Variants in DIPK1A observed in about 807,000 individuals in gnomAD.
DIPK1A encodes divergent protein kinase domain 1A.
In DIPK1A, 27 loss-of-function variants were observed where a neutral mutation model predicts 40.8. That is an observed-to-expected ratio of 0.66 (90% CI 0.49 to 0.91). The LOEUF is 0.91. DIPK1A is among the 40% of genes least tolerant of loss of function. The probability of loss-of-function intolerance (pLI) is 0.00; values close to 1 mark genes in which losing one functional copy is unlikely to be tolerated. For synonymous variants in DIPK1A, 166 were observed against 171.3 expected, an observed-to-expected ratio of 0.97 and a Z score of 0.24; for missense variants, 412 against 505.7, an observed-to-expected ratio of 0.81 and a Z score of 1.78.
chr1:92,927,148 C>T (rs1650546060), intron 1 of DIPK1A, among the ~76,000 whole-genome samples: 1 of 152,056 alleles, frequency 6.6e-6, no homozygotes, highest in Admixed American at 6.6e-5. Flanking sequence ...ATATACCATA[C>T]AATTCACCCA....
intron 1 of DIPK1A, among the ~76,000 whole-genome samples, chr1:92,881,576 GAAC>G (rs1260812530): frequency 6.6e-6 from 1 of 152,130 alleles, no homozygotes; most frequent in African/African-American, 2.4e-5. Context: ...AAAATGCCAA[GAAC>G]AACTAGGGAA....
chr1:92,905,588 T>C (rs577849035), intron 1 of DIPK1A, among the ~76,000 whole-genome samples: 1 of 152,284 alleles, frequency 6.6e-6, no homozygotes, highest in South Asian at 2.1e-4. Flanking sequence ...CTTCACTTGG[T>C]TGATTGTTTC....
At chr1:92,873,167 G>T (rs1647955596) in intron 2 of DIPK1A, among the ~76,000 whole-genome samples, 2 of 152,080 alleles carry the variant, frequency 1.3e-5, no homozygotes, top group South Asian at 4.1e-4. Flanking sequence ...TTCCTTTAAG[G>T]TCTCAGCACA....
At chr1:92,846,825 A>ACACG (rs1168989512) in intron 4 of DIPK1A, among the ~76,000 whole-genome samples, 1 of 5,528 alleles carries the variant, frequency 1.8e-4, no homozygotes, top group African/African-American at 1.6e-3. Context: ...ATATATATAT[A>ACACG]TATATATATA....
Position 92,897,466 on chromosome 1 carries a change from T to C in DIPK1A, c.55-21036A>G, listed in dbSNP as rs557852477. Among the ~76,000 whole-genome samples, 20 of 148,114 alleles carry C rather than the reference T, an allele frequency of 1.4e-4. No individual in the cohort carries two copies. The South Asian group carries it at 3.6e-3, about 27-fold the overall frequency. On this transcript the variant is annotated intron_variant, in intron 1 of 4. Coordinates refer to ENST00000370310, the MANE Select transcript of DIPK1A (RefSeq NM_001006605.5). Reference sequence around the variant, plus strand: ...GTGGGAATTGAACAATGAGAACACATGGACACAGGAAGGGGAACATCACAC... The same window carrying C: ...GTGGGAATTGAACAATGAGAACACACGGACACAGGAAGGGGAACATCACAC...
chr1:92,916,464 GC>G (rs1391712600), intron 1 of DIPK1A, among the ~76,000 whole-genome samples: 1 of 151,816 alleles, frequency 6.6e-6, no homozygotes, highest in Non-Finnish European at 1.5e-5. Flanking sequence ...CCCATGCCCA[GC>G]TAATTTTCAG....
chr1:92,961,405 C>T lies in DIPK1A; in HGVS notation c.25G>A (p.Ala9Thr). The change falls in exon 1 of 5, where the codon GCC becomes ACC. Residue 9 changes from alanine (A) to threonine (T), a missense_variant. Ala to Thr is a moderately conservative substitution (Grantham distance 58). Transcript: ENST00000370310. ...AGGTAATAGGGTTTCCTTAGCCAGG[C>T]CCCCGGACAGAGACTCCTCGCCATG... MARSLCPG[A>T]WLRKPYYLQA... 2.6e-6 allele frequency: 4 copies of T among 1,530,876 alleles called. No homozygotes were observed. Among genetic ancestry groups the T allele is most frequent in the Non-Finnish European group, 2.6e-6 (3 of 1,136,920 alleles). The allele number at this position is 1,530,876 out of a possible 1,614,324, so 94.8% of individuals were successfully genotyped here.
In DIPK1A at chr1:92,945,442, G is replaced by C. The variant is rs74838930; in HGVS notation, c.54+15934C>G. On this transcript the variant is annotated intron_variant, in intron 1 of 4. Coordinates refer to ENST00000370310, the MANE Select transcript of DIPK1A (RefSeq NM_001006605.5). ...TAATGTTGAAGTTTTGAGAGCCCAG[G>C]GTCATTACCCTGGCCCCAGCAAGAA... Among the ~76,000 whole-genome samples the C allele has an allele frequency of 8.0e-3, 1,222 of 152,096 alleles. 13 individuals are homozygous for C. The highest frequency in any genetic ancestry group is 0.028 in the African/African-American group (1,164 of 41,472).
chr1:92,909,040 GA>G (rs1169822528), intron 1 of DIPK1A, among the ~76,000 whole-genome samples: 2 of 152,000 alleles, frequency 1.3e-5, no homozygotes, highest in Non-Finnish European at 2.9e-5. Context: ...CCAAATTCAG[GA>G]AAAAATATCC....
At position 92,846,837 on chromosome 1, in the gene DIPK1A, A is replaced by ACACACACG. The variant is rs1687635583; in HGVS notation, c.474+345_474+346insCGTGTGTG. ...TATATATATATATATATATATATATATATATGTGTGTATATATATATGTGT... is the reference window on the plus strand; with the variant it reads ...TATATATATATATATATATATATATACACACACGTATATGTGTGTATATATATATGTGT... On this transcript the variant is annotated intron_variant, in intron 4 of 4. Coordinates refer to ENST00000370310, the MANE Select transcript of DIPK1A (RefSeq NM_001006605.5). Among the ~76,000 whole-genome samples the ACACACACG allele has an allele frequency of 7.4e-4, 5 of 6,756 alleles. 1 individual carries two copies. Among genetic ancestry groups the ACACACACG allele is most frequent in the Admixed American group, 5.1e-3 (2 of 390 alleles). 4.4% of individuals were successfully genotyped at this position (6,756 alleles called of 152,430 possible). A position where few individuals can be genotyped will look rare whatever the true frequency, so the allele number is the denominator to read the frequency against.
At chr1:92,957,742 T>A (rs535876891) in intron 1 of DIPK1A, among the ~76,000 whole-genome samples, 1 of 152,376 alleles carries the variant, frequency 6.6e-6, no homozygotes, top group South Asian at 2.1e-4. Flanking sequence ...GATATACTAA[T>A]AATTCACATA....
chr1:92,915,230 T>A (rs988680455), intron 1 of DIPK1A, among the ~76,000 whole-genome samples: 7 of 152,078 alleles, frequency 4.6e-5, no homozygotes, highest in African/African-American at 9.7e-5. Context: ...CACAGCAATA[T>A]CTGTAGATCT....
rs200626155 is a variant in DIPK1A, at chr1:92,900,881, GT to G, written c.55-24452del. Among the ~76,000 whole-genome samples the G allele has an allele frequency of 8.3e-4, 122 of 146,384 alleles. No homozygotes were observed. The Middle Eastern group carries it at 0.011, about 13-fold the overall frequency. ...TCTTCAGCTTTCCTTGCTTTTTCAT[GT>G]TTTTTTTTTTATGTCCATGTGTTGA... On this transcript the variant is annotated intron_variant, in intron 1 of 4. Coordinates refer to ENST00000370310, the MANE Select transcript of DIPK1A (RefSeq NM_001006605.5).
At position 92,884,320 on chromosome 1, in the gene DIPK1A, G is replaced by A. The variant is rs144668856; in HGVS notation, c.55-7890C>T. ...AATAAAAAATTAGCTGGGTGTGATG[G>A]CACGTGCCTGTGATCCCAGCTACAC... On this transcript the variant is annotated intron_variant, in intron 1 of 4. Coordinates refer to ENST00000370310, the MANE Select transcript of DIPK1A (RefSeq NM_001006605.5). Among the ~76,000 whole-genome samples, 714 of 152,188 alleles carry A rather than the reference G, an allele frequency of 4.7e-3. 2 individuals are homozygous for A. Among genetic ancestry groups the A allele is most frequent in the Non-Finnish European group, 8.2e-3 (556 of 67,992 alleles).
intron 1 of DIPK1A, among the ~76,000 whole-genome samples, chr1:92,907,228 A>C (rs1488975228): frequency 6.6e-6 from 1 of 152,202 alleles, no homozygotes; most frequent in Non-Finnish European, 1.5e-5. Context: ...CCTATATTTT[A>C]GAACAGCCCC....
chr1:92,861,321 CTTTTTTTTTTT>C lies in DIPK1A; in HGVS notation c.190-10377_190-10367del, dbSNP rs71230876. Among the ~76,000 whole-genome samples, 148 of 83,550 alleles carry C rather than the reference CTTTTTTTTTTT, an allele frequency of 1.8e-3. 4 individuals are homozygous for C. The Middle Eastern group carries it at 0.083, about 47-fold the overall frequency. The allele number at this position is 83,550 out of a possible 152,430, so 54.8% of individuals were successfully genotyped here. On this transcript the variant is annotated intron_variant, in intron 2 of 4. Coordinates refer to ENST00000370310, the MANE Select transcript of DIPK1A (RefSeq NM_001006605.5). ...AATAGCTTTTCTATTCTCTCTCTCT[CTTTTTTTTTTT>C]TTTTTTTTTTTTGAGACAGGGTCTC...
chr1:92,877,025 G>A (rs770020407), intron 1 of DIPK1A: 133 of 985,184 alleles, frequency 1.4e-4, no homozygotes, highest in Middle Eastern at 5.2e-4. Flanking sequence ...TCTGGAAACT[G>A]AGGAGACGCT....
At chr1:92,860,043 T>C (rs889416544) in intron 2 of DIPK1A, among the ~76,000 whole-genome samples, 30 of 152,194 alleles carry the variant, frequency 2.0e-4, no homozygotes, top group African/African-American at 7.2e-4. Context: ...GGATAAATAT[T>C]ACAAATGAAT....
chr1:92,911,429 T>A (rs936192957), intron 1 of DIPK1A, among the ~76,000 whole-genome samples: 7 of 152,210 alleles, frequency 4.6e-5, no homozygotes, highest in Non-Finnish European at 1.0e-4. Flanking sequence ...ATTTCTGTTG[T>A]TTATATGAGC....
Sources: allele counts gnomAD v4.1 joint callset (sites outside exome capture counted in the v4.1 genomes callset), GRCh38; gene constraint gnomAD v4.1.1; transcripts MANE v1.5; gene names NCBI Gene and HGNC (gene_info 2026-07-23, HGNC 2026-07-21).